EYS: variants seen among roughly 807,000 people sequenced by gnomAD.
EYS encodes the protein EGF-like photoreceptor maintenance factor.
In EYS, 250 loss-of-function variants were observed where a neutral mutation model predicts 282.1. The ratio of observed to expected loss-of-function variants is 0.89; its 90% CI spans 0.80 to 0.98. The LOEUF (loss-of-function observed/expected upper bound fraction) is 0.98. Among genes scored for constraint, EYS ranks in the 50% least tolerant of loss-of-function variants. EYS has a pLI of 0.00. For synonymous variants in EYS, 1,355 were observed against 1,282.9 expected (o/e 1.06, Z -1.20); for missense variants, 4,016 against 3,709.0 (o/e 1.08, Z -2.15).
chr6:64,661,532 A>G (rs1342789242), intron 22 of EYS, among the ~76,000 whole-genome samples: 1 of 152,208 alleles, frequency 6.6e-6, no homozygotes, highest in African/African-American at 2.4e-5. Flanking sequence ...AACTCAAACA[A>G]ATTGACAAGA....
chr6:64,142,988 T>C (rs1420453006), intron 31 of EYS, among the ~76,000 whole-genome samples: 1 of 152,180 alleles, frequency 6.6e-6, no homozygotes, highest in African/African-American at 2.4e-5. Context: ...ATGAATATTA[T>C]TCAGTGCTAA....
intron 12 of EYS, among the ~76,000 whole-genome samples, chr6:65,176,626 A>C (rs942841562): frequency 2.6e-5 from 4 of 151,664 alleles, no homozygotes; most frequent in African/African-American, 7.2e-5. Flanking sequence ...CTGGGATTTA[A>C]GTTTCTCCAC....
At chr6:64,193,255 T>A (rs556835941) in intron 31 of EYS, among the ~76,000 whole-genome samples, 13 of 152,264 alleles carry the variant, frequency 8.5e-5, no homozygotes, top group Non-Finnish European at 1.5e-4. Flanking sequence ...ATTCAATAAC[T>A]TGACTCTATC....
At chr6:64,956,485 C>T (rs1023487707) in intron 14 of EYS, among the ~76,000 whole-genome samples, 8 of 152,148 alleles carry the variant, frequency 5.3e-5, no homozygotes, top group African/African-American at 1.9e-4. Context: ...GACTATGTAA[C>T]TACCACAGAA....
At chr6:65,159,409 T>A (rs1443761480) in intron 12 of EYS, among the ~76,000 whole-genome samples, 1 of 150,912 alleles carries the variant, frequency 6.6e-6, no homozygotes, top group Non-Finnish European at 1.5e-5. Flanking sequence ...TGTTTGCATT[T>A]AATAGGCCAA....
chr6:63,810,310 C>G (rs932822934), intron 36 of EYS, among the ~76,000 whole-genome samples: 2 of 143,596 alleles, frequency 1.4e-5, no homozygotes, highest in Non-Finnish European at 3.0e-5. Context: ...AACAACCCCC[C>G]CCCCCAAAAA....
At chr6:64,878,326 T>C (rs1473419868) in intron 19 of EYS, among the ~76,000 whole-genome samples, 2 of 152,162 alleles carry the variant, frequency 1.3e-5, no homozygotes, top group Admixed American at 6.6e-5. Context: ...AAATGTAGTC[T>C]ATGAATGCAG....
At chr6:65,594,287 T>C (rs1765330182) in intron 2 of EYS, among the ~76,000 whole-genome samples, 1 of 152,034 alleles carries the variant, frequency 6.6e-6, no homozygotes, top group South Asian at 2.1e-4. Context: ...AAGCAACTTG[T>C]TTCAGTCACC....
chr6:65,493,353 A>T (rs977110124), intron 4 of EYS, among the ~76,000 whole-genome samples: 1 of 152,202 alleles, frequency 6.6e-6, no homozygotes, highest in East Asian at 1.9e-4. Flanking sequence ...TGCTCTAGAT[A>T]TAGCTCTGCT....
At chr6:65,305,651 T>G (rs1309036768) in intron 11 of EYS, among the ~76,000 whole-genome samples, 1 of 152,202 alleles carries the variant, frequency 6.6e-6, no homozygotes, top group Non-Finnish European at 1.5e-5. Flanking sequence ...GAAACTAATT[T>G]TCTATTTCTG....
At chr6:64,558,736 T>C (rs905314531) in intron 26 of EYS, among the ~76,000 whole-genome samples, 5 of 152,198 alleles carry the variant, frequency 3.3e-5, no homozygotes, top group Admixed American at 2.0e-4. Context: ...GTTTGGGAAC[T>C]TTTTAGGAAG....
At chr6:64,905,618 C>T (rs912590994) in intron 16 of EYS, among the ~76,000 whole-genome samples, 44 of 152,130 alleles carry the variant, frequency 2.9e-4, no homozygotes, top group African/African-American at 1.0e-3. Context: ...AAACCTACTG[C>T]TCAAATGTAA....
intron 34 of EYS, among the ~76,000 whole-genome samples, chr6:63,985,482 T>G (rs1767312917): frequency 6.6e-6 from 1 of 151,702 alleles, no homozygotes; most frequent in African/African-American, 2.4e-5. Context: ...TCATAATATA[T>G]TATAAATATC....
At chr6:63,778,260 A>G (rs1770117570) in intron 39 of EYS, 80 bp from the exon 40 acceptor site, 2 of 1,393,974 alleles carry the variant, frequency 1.4e-6, no homozygotes, top group African/African-American at 2.9e-5. Flanking sequence ...TTTCATTTTT[A>G]AAGTAGAAGT....
At chr6:64,294,564 G>A (rs1255347712) in intron 30 of EYS, among the ~76,000 whole-genome samples, 2 of 152,146 alleles carry the variant, frequency 1.3e-5, no homozygotes, top group African/African-American at 2.4e-5. Flanking sequence ...CTGTCCAGAT[G>A]AGCCTTGCTG....
At chr6:64,661,624 C>T (rs1398356697) in intron 22 of EYS, among the ~76,000 whole-genome samples, 1 of 151,172 alleles carries the variant, frequency 6.6e-6, no homozygotes, top group Non-Finnish European at 1.5e-5. Context: ...CCAAAAGACA[C>T]ATGAAAAATG....
chr6:64,726,766 G>T (rs537698060), intron 22 of EYS, among the ~76,000 whole-genome samples: 2 of 152,004 alleles, frequency 1.3e-5, no homozygotes, highest in African/African-American at 4.8e-5. Context: ...AAACATAGCC[G>T]AAAGCAGATA....
At chr6:65,140,386 A>G (rs1484886239) in intron 12 of EYS, among the ~76,000 whole-genome samples, 1 of 152,046 alleles carries the variant, frequency 6.6e-6, no homozygotes, top group Non-Finnish European at 1.5e-5. Context: ...GACCTGTGGG[A>G]CTATAACAAC....
rs2150466350 is a variant in EYS at position 64,439,210 on chromosome 6, TA to T, written c.5786del (p.Leu1929Ter). 1 of 1,478,756 alleles carries T rather than the reference TA, an allele frequency of 6.8e-7. No individual in the cohort carries two copies. Among genetic ancestry groups the T allele is most frequent in the South Asian group, 1.4e-5 (1 of 69,572 alleles). 91.6% of individuals were successfully genotyped at this position (1,478,756 alleles called of 1,614,324 possible). A position where few individuals can be genotyped will look rare whatever the true frequency, so the allele number is the denominator to read the frequency against. Reference sequence around the variant, plus strand: ...ACAATTGAATAAAAAATCCATCTACTAAATTTGAGTCTTGCTTGACATACAG... The same window carrying T: ...ACAATTGAATAAAAAATCCATCTACTAATTTGAGTCTTGCTTGACATACAG... ...LLLYVKQDSN[L>X]VDGFFIQLFI... is the part of the protein sequence containing the mutation. On this transcript the variant is annotated frameshift_variant, in exon 27 of 43. Transcript: ENST00000503581. LOFTEE classifies it high-confidence loss of function.
Sources: gnomAD v4.1 joint callset for allele counts (sites outside exome capture counted in the v4.1 genomes callset) on GRCh38, gnomAD v4.1.1 for gene constraint, MANE v1.5 for transcripts, NCBI Gene and HGNC (gene_info 2026-07-23, HGNC 2026-07-21) for gene names.